The following NRG3 variants were observed in gnomAD, a reference collection of about 807,000 sequenced individuals.
NRG3 encodes the protein neuregulin 3, also known as pro-neuregulin-3, membrane-bound isoform.
NRG3 carries 31 observed loss-of-function variants against 66.9 expected under a neutral mutation model. The ratio of observed to expected loss-of-function variants is 0.46; its 90% CI spans 0.35 to 0.63. The LOEUF is 0.63. NRG3 is among the 20% of genes least tolerant of loss of function. The pLI is 0.00. For synonymous variants in NRG3, 393 were observed against 359.4 expected (o/e 1.09, Z -1.06); for missense variants, 910 against 878.9 (o/e 1.04, Z -0.45).
chr10:82,202,328 A>G (rs190049035), intron 1 of NRG3, among the ~76,000 whole-genome samples: 3 of 152,276 alleles, frequency 2.0e-5, no homozygotes, highest in East Asian at 3.9e-4. Flanking sequence ...TTTAGTACAT[A>G]GTTATTCCAG....
intron 1 of NRG3, among the ~76,000 whole-genome samples, chr10:82,354,559 T>A (rs532208975): frequency 6.6e-6 from 1 of 152,012 alleles, no homozygotes; most frequent in South Asian, 2.1e-4. Context: ...CCTGGCTAAT[T>A]TTTTGTATTT....
At chr10:82,872,465 C>G (rs1009469067) in intron 4 of NRG3, among the ~76,000 whole-genome samples, 7 of 152,186 alleles carry the variant, frequency 4.6e-5, no homozygotes, top group Admixed American at 2.6e-4. Context: ...GCTTACTGAT[C>G]AGTCTCAAAA....
At chr10:82,268,714 T>C (rs1379430643) in intron 1 of NRG3, among the ~76,000 whole-genome samples, 1 of 152,054 alleles carries the variant, frequency 6.6e-6, no homozygotes, top group Non-Finnish European at 1.5e-5. Context: ...TTTTCTTTCC[T>C]GTCTAGGACA....
At chr10:81,914,327 A>G (rs1845461079) in intron 1 of NRG3, among the ~76,000 whole-genome samples, 1 of 152,162 alleles carries the variant, frequency 6.6e-6, no homozygotes, top group Non-Finnish European at 1.5e-5. Flanking sequence ...TTCTTTTAGA[A>G]TTTTAAAAAT....
At chr10:82,324,132 T>C (rs2081737689) in intron 1 of NRG3, among the ~76,000 whole-genome samples, 1 of 152,224 alleles carries the variant, frequency 6.6e-6, no homozygotes, top group Non-Finnish European at 1.5e-5. Flanking sequence ...CCCAGGGTGC[T>C]GGGATTACAG....
At chr10:81,979,262 T>G (rs1011938782) in intron 1 of NRG3, among the ~76,000 whole-genome samples, 1 of 152,044 alleles carries the variant, frequency 6.6e-6, no homozygotes, top group Admixed American at 6.6e-5. Context: ...GTGTCAATGT[T>G]ATCTCTGATT....
intron 1 of NRG3, among the ~76,000 whole-genome samples, chr10:81,995,531 G>A (rs1329695706): frequency 1.3e-5 from 2 of 152,150 alleles, no homozygotes; most frequent in African/African-American, 4.8e-5. Context: ...AAGACTTAAG[G>A]GGAAGCCCTG....
chr10:82,543,576 G>C (rs2043693181), intron 2 of NRG3, among the ~76,000 whole-genome samples: 1 of 152,124 alleles, frequency 6.6e-6, no homozygotes, highest in African/African-American at 2.4e-5. Context: ...AGTTTATGGA[G>C]TCTGTTACCT....
At chr10:82,224,529 A>C (rs1896511) in intron 1 of NRG3, among the ~76,000 whole-genome samples, 17,972 of 152,164 alleles carry the variant, frequency 0.12, 1,291 homozygotes, top group Admixed American at 0.21. Context: ...TGACAAACCC[A>C]GCACAATTCT....
chr10:82,298,502 G>A (rs1352648467), intron 1 of NRG3, among the ~76,000 whole-genome samples: 4 of 152,032 alleles, frequency 2.6e-5, no homozygotes, highest in African/African-American at 4.8e-5. Flanking sequence ...AAACAGACTC[G>A]TAAGTAGACT....
chr10:82,506,699 T>C (rs749565247), intron 2 of NRG3, among the ~76,000 whole-genome samples: 8 of 152,198 alleles, frequency 5.3e-5, no homozygotes, highest in Non-Finnish European at 8.8e-5. Flanking sequence ...GGAATTTACA[T>C]GTTTGAGGAA....
chr10:82,443,950 C>G (rs1335534007), intron 2 of NRG3, among the ~76,000 whole-genome samples: 1 of 152,166 alleles, frequency 6.6e-6, no homozygotes, highest in Admixed American at 6.5e-5. Flanking sequence ...ATCATAAATA[C>G]TGGGAAATAA....
At chr10:82,864,053 A>G (rs2135939123) in intron 3 of NRG3, among the ~76,000 whole-genome samples, 1 of 152,236 alleles carries the variant, frequency 6.6e-6, no homozygotes, top group South Asian at 2.1e-4. Context: ...AGGCAAATTG[A>G]TAAGGATAGA....
chr10:81,954,546 C>G (rs986651741), intron 1 of NRG3, among the ~76,000 whole-genome samples: 2 of 152,116 alleles, frequency 1.3e-5, no homozygotes, highest in Non-Finnish European at 2.9e-5. Flanking sequence ...CTTTCTCTCT[C>G]TCTCTATTTT....
intron 2 of NRG3, among the ~76,000 whole-genome samples, chr10:82,466,232 T>A (rs1034790682): frequency 6.6e-6 from 1 of 152,058 alleles, no homozygotes; most frequent in Non-Finnish European, 1.5e-5. Context: ...GCCCTTGGAA[T>A]AACACCCTCC....
chr10:82,096,226 C>A (rs564516855), intron 1 of NRG3, among the ~76,000 whole-genome samples: 5 of 152,126 alleles, frequency 3.3e-5, no homozygotes, highest in Admixed American at 6.5e-5. Flanking sequence ...CCTGTAATCC[C>A]AGCACTTTGG....
intron 2 of NRG3, among the ~76,000 whole-genome samples, chr10:82,449,590 T>A (rs1357926797): frequency 6.6e-6 from 1 of 152,214 alleles, no homozygotes; most frequent in Non-Finnish European, 1.5e-5. Context: ...AATCTGTGTA[T>A]GCATTCATGC....
At chr10:82,947,025 A>C (rs920399322) in intron 4 of NRG3, among the ~76,000 whole-genome samples, 1 of 152,156 alleles carries the variant, frequency 6.6e-6, no homozygotes, top group African/African-American at 2.4e-5. Context: ...ATAAGTATTC[A>C]CCAGTGAAAC....
intron 4 of NRG3, among the ~76,000 whole-genome samples, chr10:82,874,939 C>T (rs565301034): frequency 6.6e-6 from 1 of 152,294 alleles, no homozygotes; most frequent in South Asian, 2.1e-4. Context: ...CCCTTCATGT[C>T]ATAAGGATCT....
Sources: gnomAD v4.1 joint callset for allele counts (sites outside exome capture counted in the v4.1 genomes callset) on GRCh38, gnomAD v4.1.1 for gene constraint, MANE v1.5 for transcripts, NCBI Gene and HGNC (gene_info 2026-07-23, HGNC 2026-07-21) for gene names.